GLT1D1: variants seen among roughly 807,000 people sequenced by gnomAD.
The protein encoded by GLT1D1 is glycosyltransferase 1 domain containing 1, also known as glycosyltransferase 1 domain-containing protein 1.
Under a neutral mutation model 28.7 loss-of-function variants are expected in GLT1D1, and 21 were observed. The ratio of observed to expected loss-of-function variants is 0.73; its 90% CI spans 0.52 to 1.05. The LOEUF is 1.05. Among genes scored for constraint, GLT1D1 ranks in the 50% least tolerant of loss-of-function variants. The pLI, the probability that GLT1D1 is intolerant of heterozygous loss-of-function variation, is 0.00. For missense variants in GLT1D1, 343 were observed against 330.6 expected (o/e 1.04, Z -0.29); for synonymous variants, 147 against 124.8 (o/e 1.18, Z -1.19).
intron 7 of GLT1D1, among the ~76,000 whole-genome samples, chr12:128,979,287 G>A (rs74453628): frequency 1.4e-3 from 207 of 152,172 alleles, no homozygotes; most frequent in African/African-American, 4.6e-3. Flanking sequence ...AGTTTCTACA[G>A]GTCCAGGCTC....
intron 7 of GLT1D1, among the ~76,000 whole-genome samples, chr12:128,960,588 C>T (rs146284838): frequency 6.6e-6 from 1 of 151,848 alleles, no homozygotes; most frequent in Non-Finnish European, 1.5e-5. Context: ...AAAACCCTGT[C>T]TCTACTAAAA....
chr12:128,917,203 T>C (rs1446303047), intron 4 of GLT1D1, among the ~76,000 whole-genome samples: 1 of 152,198 alleles, frequency 6.6e-6, no homozygotes, highest in African/African-American at 2.4e-5. Context: ...TATCATGCTG[T>C]TTTGTTGGTA....
At chr12:128,910,197 A>C (rs951006929) in intron 4 of GLT1D1, among the ~76,000 whole-genome samples, 1 of 151,902 alleles carries the variant, frequency 6.6e-6, no homozygotes, top group Non-Finnish European at 1.5e-5. Context: ...AGATCAGCAG[A>C]TAAGTCCAGA....
chr12:128,874,055 C>T (rs28412342), intron 1 of GLT1D1, among the ~76,000 whole-genome samples: 15 of 62,978 alleles, frequency 2.4e-4, no homozygotes, highest in Admixed American at 1.8e-3. Flanking sequence ...CTCCCTCCCT[C>T]CCTCCTTTCT....
At chr12:128,890,818 G>A (rs1424917633) in intron 3 of GLT1D1, among the ~76,000 whole-genome samples, 1 of 152,168 alleles carries the variant, frequency 6.6e-6, no homozygotes, top group African/African-American at 2.4e-5. Flanking sequence ...GGACAACAGG[G>A]TGAAACTCCA....
intron 3 of GLT1D1, among the ~76,000 whole-genome samples, chr12:128,891,607 A>G (rs1372365345): frequency 1.3e-5 from 2 of 152,150 alleles, no homozygotes; most frequent in Non-Finnish European, 2.9e-5. Context: ...TCAAGTCTTT[A>G]TGTAGCTGGA....
At position 128,863,328 on chromosome 12, in the gene GLT1D1, A is replaced by G. The variant is rs12313156; in HGVS notation, c.68+9679A>G. The stretch of plus-strand genomic sequence containing the variant: ...TGGTACAAGGCAGGCCCGCTCTGGA[A>G]TGGGAGCTTTGTGACTTGCAATCAA... On this transcript the variant is annotated intron_variant, in intron 1 of 7. Transcript: ENST00000281703. Among the ~76,000 whole-genome samples the G allele has an allele frequency of 9.2e-3, 1,408 of 152,238 alleles. 16 individuals are homozygous for G. The highest frequency in any genetic ancestry group is 0.032 in the African/African-American group (1,323 of 41,522).
chr12:128,911,559 T>A (rs1042385830), intron 4 of GLT1D1, among the ~76,000 whole-genome samples: 2 of 152,194 alleles, frequency 1.3e-5, no homozygotes, highest in Non-Finnish European at 2.9e-5. Flanking sequence ...CAAAAAGACA[T>A]CCATTTTTGG....
chr12:128,881,318 G>A (rs182058395), intron 2 of GLT1D1, among the ~76,000 whole-genome samples: 9 of 148,786 alleles, frequency 6.0e-5, no homozygotes, highest in African/African-American at 2.2e-4. Flanking sequence ...ATCACTTGAA[G>A]TTAAGATTTC....
chr12:128,962,206 G>A (rs7963137), intron 7 of GLT1D1, among the ~76,000 whole-genome samples: 99 of 152,340 alleles, frequency 6.5e-4, no homozygotes, highest in East Asian at 4.6e-3. Context: ...GGTTGAACAC[G>A]TCATGCCTTC....
chr12:128,983,661 G>C lies in GLT1D1; in HGVS notation c.*571G>C, dbSNP rs1360678277. On this transcript the variant is annotated 3_prime_UTR_variant, in exon 8 of 8. Transcript: ENST00000281703. The surrounding 1 kb of genome is among the most constrained non-coding windows in gnomAD (Gnocchi z 4.7). The stretch of plus-strand genomic sequence containing the variant: ...GCCCGGCACAGCTCACTTTTCAATG[G>C]TGGAATTGAAAGTTGTGCTTTTTAG... 1 of 152,306 alleles carries C rather than the reference G, an allele frequency of 6.6e-6. No homozygotes were observed. The highest frequency in any genetic ancestry group is 1.5e-5 in the Non-Finnish European group (1 of 68,110). The allele number at this position is 152,306 out of a possible 1,614,324, so 9.4% of individuals were successfully genotyped here.
intron 7 of GLT1D1, among the ~76,000 whole-genome samples, chr12:128,967,125 T>C (rs1016182768): frequency 1.3e-5 from 2 of 152,262 alleles, no homozygotes; most frequent in Non-Finnish European, 2.9e-5. Context: ...TTGGAGGTTC[T>C]GTTTGTATGG....
At chr12:128,952,984 G>A (rs1462396520) in intron 6 of GLT1D1, among the ~76,000 whole-genome samples, 1 of 152,116 alleles carries the variant, frequency 6.6e-6, no homozygotes, top group East Asian at 1.9e-4. Context: ...GTTTCACCAT[G>A]TTGGCCTAGC....
intron 4 of GLT1D1, among the ~76,000 whole-genome samples, chr12:128,904,026 C>G (rs1047966022): frequency 2.0e-5 from 3 of 151,756 alleles, no homozygotes; most frequent in Admixed American, 2.0e-4. Flanking sequence ...CTGTGCCCGG[C>G]CAGAACTTTT....
At chr12:128,899,479 G>T (rs1033245566) in intron 4 of GLT1D1, among the ~76,000 whole-genome samples, 192 bp downstream of exon 4, 1 of 151,580 alleles carries the variant, frequency 6.6e-6, no homozygotes, top group African/African-American at 2.4e-5. Context: ...GATATTTTTT[G>T]ATGTTGTTAT....
intron 7 of GLT1D1, among the ~76,000 whole-genome samples, chr12:128,966,593 G>A (rs1044702813): frequency 6.6e-6 from 1 of 152,126 alleles, no homozygotes; most frequent in Non-Finnish European, 1.5e-5. Flanking sequence ...TCATCTGGGG[G>A]GTTTTGTGCT....
intron 7 of GLT1D1, among the ~76,000 whole-genome samples, chr12:128,980,998 A>G (rs1331488537): frequency 6.6e-6 from 1 of 152,232 alleles, no homozygotes; most frequent in Non-Finnish European, 1.5e-5. Flanking sequence ...GCGCGTGTCC[A>G]GCAGATTCCC....
At chr12:128,922,115 C>T (rs944807206) in intron 4 of GLT1D1, among the ~76,000 whole-genome samples, 2 of 151,516 alleles carry the variant, frequency 1.3e-5, no homozygotes, top group Non-Finnish European at 2.9e-5. Context: ...ATGTGTACAG[C>T]GTCAGCTTGT....
chr12:128,927,044 G>A, intron 4 of GLT1D1, 61 bp from the exon 8 acceptor site: 1 of 1,132,996 alleles, frequency 8.8e-7, no homozygotes. Flanking sequence ...AGTTAGTTGT[G>A]CTTGCAGCTG....
Sources: allele counts gnomAD v4.1 joint callset (sites outside exome capture counted in the v4.1 genomes callset), GRCh38; gene constraint gnomAD v4.1.1; non-coding constraint Gnocchi (gnomAD v3.1); transcripts MANE v1.5; gene names NCBI Gene and HGNC (gene_info 2026-07-23, HGNC 2026-07-21).